The following BIN3 variants were observed in gnomAD, a reference collection of about 807,000 sequenced individuals.
The protein encoded by BIN3 is bridging integrator 3.
Under a neutral mutation model 38.2 loss-of-function variants are expected in BIN3, and 41 were observed. That is an observed-to-expected ratio of 1.07 (90% confidence interval 0.84 to 1.39). The LOEUF is 1.39. BIN3 is among the 40% of genes most tolerant of loss of function. The probability of loss-of-function intolerance (pLI) is 0.00; values close to 1 mark genes in which losing one functional copy is unlikely to be tolerated. For synonymous variants in BIN3, 145 were observed against 122.6 expected, an observed-to-expected ratio of 1.18 and a Z score of -1.21; for missense variants, 361 against 324.3, an observed-to-expected ratio of 1.11 and a Z score of -0.87.
intron 6 of BIN3, among the ~76,000 whole-genome samples, chr8:22,628,274 G>T (rs987568556): frequency 6.6e-6 from 1 of 152,190 alleles, no homozygotes; most frequent in Non-Finnish European, 1.5e-5. Flanking sequence ...GCTGGGGGCG[G>T]TGGGGTGGCC....
intron 1 of BIN3, among the ~76,000 whole-genome samples, chr8:22,650,929 A>T (rs1236374229): frequency 6.6e-6 from 1 of 152,226 alleles, no homozygotes; most frequent in Non-Finnish European, 1.5e-5. Context: ...TAAGTAAACT[A>T]TTAGGAGGAT....
At chr8:22,628,535 C>T (rs578035379) in intron 6 of BIN3, among the ~76,000 whole-genome samples, 33 of 152,278 alleles carry the variant, frequency 2.2e-4, no homozygotes, top group African/African-American at 7.7e-4. Context: ...TCTGCCACGC[C>T]CCCACCTTCC....
intron 1 of BIN3, among the ~76,000 whole-genome samples, chr8:22,662,703 C>A (rs1222678071): frequency 6.6e-6 from 1 of 152,128 alleles, no homozygotes; most frequent in Non-Finnish European, 1.5e-5. Flanking sequence ...ACATCTATCA[C>A]TCAAAGGTCA....
rs1301399759 is a variant in BIN3, at chr8:22,644,845, G to T, written c.9-42C>A. On this transcript the variant is annotated intron_variant, in intron 1 of 8. Transcript: ENST00000276416. ...CAAAGAGAGATATTGTGAGAAGTGG[G>T]GAAGGATGCAGCTCAAAGTATCAGT... 3 of 1,563,618 alleles carry T rather than the reference G, an allele frequency of 1.9e-6. No individual in the cohort carries two copies. The African/African-American group carries it at 4.1e-5, about 21-fold the overall frequency.
At chr8:22,623,211 C>T (rs1221477632) in intron 8 of BIN3, among the ~76,000 whole-genome samples, 5 of 152,206 alleles carry the variant, frequency 3.3e-5, no homozygotes, top group Non-Finnish European at 7.3e-5. Context: ...GCATGGGTGC[C>T]CACCCTTTTC....
intron 1 of BIN3, among the ~76,000 whole-genome samples, chr8:22,665,314 T>C (rs866089456): frequency 6.6e-6 from 1 of 152,078 alleles, no homozygotes; most frequent in Non-Finnish European, 1.5e-5. Context: ...CTGAGGCAAG[T>C]CAGGAAAAGG....
At chr8:22,628,076 T>C (rs541549213) in intron 6 of BIN3, among the ~76,000 whole-genome samples, 164 of 152,182 alleles carry the variant, frequency 1.1e-3, no homozygotes, top group African/African-American at 3.7e-3. Context: ...AGAGGGAAGG[T>C]GAGCGAGGCC....
chr8:22,663,979 C>G (rs1381805675), intron 1 of BIN3, among the ~76,000 whole-genome samples: 1 of 152,226 alleles, frequency 6.6e-6, no homozygotes, highest in Non-Finnish European at 1.5e-5. Context: ...TCGACTCATG[C>G]AAGTCTTTTA....
intron 6 of BIN3, among the ~76,000 whole-genome samples, chr8:22,626,859 G>A (rs570576003): frequency 5.9e-4 from 90 of 152,320 alleles, no homozygotes; most frequent in Non-Finnish European, 6.9e-4. Context: ...CACAGCTGTC[G>A]GCTGGGGCTT....
intron 6 of BIN3, chr8:22,625,191 G>T (rs945483132): frequency 1.6e-5 from 10 of 639,608 alleles, no homozygotes; most frequent in Non-Finnish European, 2.3e-5. Context: ...GGTCCACACC[G>T]GCCTCGTCTT....
chr8:22,621,671 CTG>C lies in BIN3; in HGVS notation c.616-105_616-104del, dbSNP rs1329697806. On this transcript the variant is annotated intron_variant, in intron 8 of 8. Transcript: ENST00000276416. ...TCTGCTACCCCCTGCCCTTACCCAT[CTG>C]GAGCTGTGCAGCAGCGTGCCTTTGG... 4 of 1,256,828 alleles carry C rather than the reference CTG, an allele frequency of 3.2e-6. No individual in the cohort carries two copies. In the African/African-American group the frequency reaches 5.9e-5, roughly 19 times the overall value. The allele number at this position is 1,256,828 out of a possible 1,614,324, so 77.9% of individuals were successfully genotyped here.
At chr8:22,664,530 C>G (rs749548776) in intron 1 of BIN3, among the ~76,000 whole-genome samples, 2 of 152,234 alleles carry the variant, frequency 1.3e-5, no homozygotes, top group Non-Finnish European at 2.9e-5. Flanking sequence ...AGGACTTCCT[C>G]TATCACTTAT....
chr8:22,630,291 G>C, intron 5 of BIN3, 151 bp downstream of exon 5: 1 of 1,184,224 alleles, frequency 8.4e-7, no homozygotes, highest in South Asian at 1.5e-5. Flanking sequence ...AAAGAGCCCT[G>C]TGGGCTTGCA....
At chr8:22,633,091 G>A (rs937396090) in intron 4 of BIN3, among the ~76,000 whole-genome samples, 5 of 152,196 alleles carry the variant, frequency 3.3e-5, no homozygotes, top group Non-Finnish European at 4.4e-5. Flanking sequence ...GGCCGGCCCT[G>A]GGCAGAACTG....
At chr8:22,666,143 G>A (rs1369203856) in intron 1 of BIN3, among the ~76,000 whole-genome samples, 4 of 151,888 alleles carry the variant, frequency 2.6e-5, no homozygotes, top group Admixed American at 6.6e-5. Flanking sequence ...TTTCCTCCTC[G>A]TTTAAGCCTA....
chr8:22,647,579 C>T (rs921146990), intron 1 of BIN3, among the ~76,000 whole-genome samples: 2 of 152,168 alleles, frequency 1.3e-5, no homozygotes, highest in Admixed American at 6.5e-5. Flanking sequence ...CAAAGTCCTA[C>T]AGAATTCCAA....
chr8:22,659,903 G>A (rs1261735508), intron 1 of BIN3, among the ~76,000 whole-genome samples: 2 of 152,154 alleles, frequency 1.3e-5, no homozygotes, highest in Admixed American at 6.5e-5. Flanking sequence ...AGGTAGTAGT[G>A]GTATTTTGAT....
chr8:22,656,227 T>TG (rs1455027774), intron 1 of BIN3, among the ~76,000 whole-genome samples: 1 of 151,502 alleles, frequency 6.6e-6, no homozygotes, highest in African/African-American at 2.4e-5. Context: ...TTAAGGGTTT[T>TG]TTTTTTTTTT....
At chr8:22,644,931 A>G (rs1045070003) in intron 1 of BIN3, 128 bp from the exon 2 acceptor site, 3 of 775,414 alleles carry the variant, frequency 3.9e-6, no homozygotes, top group Non-Finnish European at 6.5e-6. Context: ...TGCTACTTGG[A>G]CCATGTGCCC....
Sources: gnomAD v4.1 joint callset for allele counts (sites outside exome capture counted in the v4.1 genomes callset) on GRCh38, gnomAD v4.1.1 for gene constraint, MANE v1.5 for transcripts, NCBI Gene and HGNC (gene_info 2026-07-23, HGNC 2026-07-21) for gene names.